The following PLEKHA8 variants were observed in gnomAD, a reference collection of about 807,000 sequenced individuals.
PLEKHA8 encodes the protein pleckstrin homology domain-containing family A member 8.
PLEKHA8 carries 36 observed loss-of-function variants against 68.2 expected under a neutral mutation model. The ratio of observed to expected loss-of-function variants is 0.53; its 90% CI spans 0.40 to 0.70. PLEKHA8 has a LOEUF of 0.70. Among genes scored for constraint, PLEKHA8 ranks in the 30% least tolerant of loss-of-function variants. The pLI is 0.00. For synonymous variants in PLEKHA8, 211 were observed against 216.1 expected (o/e 0.98, Z 0.20); for missense variants, 505 against 615.4 (o/e 0.82, Z 1.90).
Position 30,079,564 on chromosome 7 carries a change from G to A in PLEKHA8, c.*777G>A. Reference sequence around the variant, plus strand: ...ATCTCAATTGGACATCACAAGTAATGATACCCAGAGGGATTATTACTCCAC... The same window carrying A: ...ATCTCAATTGGACATCACAAGTAATAATACCCAGAGGGATTATTACTCCAC... On this transcript the variant is annotated 3_prime_UTR_variant, in exon 14 of 14. Transcript: ENST00000449726. The A allele has an allele frequency of 3.4e-6, 3 of 876,058 alleles. No homozygotes were observed. Among genetic ancestry groups the A allele is most frequent in the Non-Finnish European group, 4.1e-6 (3 of 730,456 alleles). The allele number at this position is 876,058 out of a possible 1,614,324, so 54.3% of individuals were successfully genotyped here. A position where few individuals can be genotyped will look rare whatever the true frequency, so the allele number is the denominator to read the frequency against.
rs894643112 is a variant in PLEKHA8, at chr7:30,080,823, A to G, written c.*2036A>G. The G allele has an allele frequency of 3.2e-5, 32 of 985,250 alleles. No homozygotes were observed. The African/African-American group carries it at 4.5e-4, about 14-fold the overall frequency. 61.0% of individuals were successfully genotyped at this position (985,250 alleles called of 1,614,324 possible). Reference sequence around the variant, plus strand: ...CTCGGGGATAGTCCCTGCCCTTGACATAGCCCCCTAAAACGGAAAAAGAAA... The same window carrying G: ...CTCGGGGATAGTCCCTGCCCTTGACGTAGCCCCCTAAAACGGAAAAAGAAA... On this transcript the variant is annotated 3_prime_UTR_variant, in exon 14 of 14. Transcript: ENST00000449726.
At chr7:30,047,694 C>T in intron 3 of PLEKHA8, 138 bp from the exon 4 acceptor site, 2 of 856,330 alleles carry the variant, frequency 2.3e-6, no homozygotes, top group Non-Finnish European at 1.7e-6. Context: ...ATTTGCAACC[C>T]ATACTTTAAA....
intron 1 of PLEKHA8, among the ~76,000 whole-genome samples, chr7:30,044,595 C>G (rs754831398): frequency 1.3e-5 from 2 of 152,220 alleles, no homozygotes; most frequent in South Asian, 2.1e-4. Flanking sequence ...TTGGCACTCT[C>G]TATGACATTT....
At chr7:30,036,736 AGAC>A (rs1791128521) in intron 1 of PLEKHA8, among the ~76,000 whole-genome samples, 1 of 152,238 alleles carries the variant, frequency 6.6e-6, no homozygotes, top group African/African-American at 2.4e-5. Context: ...TCTACATGGT[AGAC>A]TCTCCAGTAG....
At chr7:30,040,072 T>C (rs1791415562) in intron 1 of PLEKHA8, among the ~76,000 whole-genome samples, 1 of 152,254 alleles carries the variant, frequency 6.6e-6, no homozygotes, top group Admixed American at 6.5e-5. Context: ...GTGTTTTTAT[T>C]ATGAAAGGGT....
chr7:30,105,186 A>G (rs1034624396), intron 13 of PLEKHA8, among the ~76,000 whole-genome samples: 1 of 151,998 alleles, frequency 6.6e-6, no homozygotes, highest in Non-Finnish European at 1.5e-5. Context: ...ACATGTTCTC[A>G]GGGGCCGAGT....
chr7:30,109,606 AAAAAAAAGAG>A lies in PLEKHA8; in HGVS notation c.1363-19658_1363-19649del, dbSNP rs1206004142. On this transcript the variant is annotated intron_variant, in intron 13 of 13. Coordinates refer to the PLEKHA8 transcript ENST00000396257. ...TGTCTCAAAAAAAAAAAAAAAAAAA[AAAAAAAAGAG>A]AGAGAGATTAACATTGTGTAACTAC... 9.1e-4 allele frequency among the ~76,000 whole-genome samples: 100 copies of A among 109,976 alleles called. 2 individuals carry two copies. The highest frequency in any genetic ancestry group is 4.9e-3 in the Middle Eastern group (1 of 204). 72.1% of individuals were successfully genotyped at this position (109,976 alleles called of 152,430 possible).
chr7:30,035,086 G>A (rs1316051020), intron 1 of PLEKHA8, among the ~76,000 whole-genome samples: 1 of 151,528 alleles, frequency 6.6e-6, no homozygotes, highest in Non-Finnish European at 1.5e-5. Flanking sequence ...AACTCTTTAC[G>A]ATGTAATCTA....
chr7:30,032,435 A>G (rs375867294), intron 1 of PLEKHA8, among the ~76,000 whole-genome samples: 66 of 152,356 alleles, frequency 4.3e-4, no homozygotes, highest in African/African-American at 1.5e-3. Context: ...TAAACATTTT[A>G]CATGGATTAA....
downstream of PLEKHA8, among the ~76,000 whole-genome samples, chr7:30,089,212 A>G (rs902676491): frequency 6.6e-6 from 1 of 152,154 alleles, no homozygotes; most frequent in Non-Finnish European, 1.5e-5. Flanking sequence ...TTTGGCTGGT[A>G]CACACTAATG....
At chr7:30,072,819 A>G (rs1397167310) in intron 12 of PLEKHA8, among the ~76,000 whole-genome samples, 1 of 152,226 alleles carries the variant, frequency 6.6e-6, no homozygotes, top group East Asian at 1.9e-4. Flanking sequence ...GAAGAAGGTC[A>G]AATAGCCCCC....
In PLEKHA8 at chr7:30,076,943, A is replaced by G. The variant is rs116678697; in HGVS notation, c.1363-1647A>G. Among the ~76,000 whole-genome samples the G allele has an allele frequency of 7.7e-3, 1,166 of 152,224 alleles. 21 individuals carry two copies. Among genetic ancestry groups the G allele is most frequent in the African/African-American group, 0.026 (1,089 of 41,550 alleles). The stretch of plus-strand genomic sequence containing the variant: ...GACCTTTTAATCTTTCAGCAGTTAT[A>G]CTCTACTGAGCTGATAGCCATTTCA... On this transcript the variant is annotated intron_variant, in intron 13 of 13. Coordinates refer to ENST00000449726, the MANE Select transcript of PLEKHA8 (RefSeq NM_001197026.2).
Position 30,126,525 on chromosome 7 carries a change from G to A in PLEKHA8, c.1363-2741G>A, listed in dbSNP as rs564897969. Among the ~76,000 whole-genome samples, 3 of 152,288 alleles carry A rather than the reference G, an allele frequency of 2.0e-5. No homozygotes were observed. The South Asian group carries it at 6.2e-4, about 32-fold the overall frequency. ...TGTTTCACTGTTCTATAGTCTGGTT[G>A]TATAAATAAACCAATTTCTTTTTTT... On this transcript the variant is annotated intron_variant, in intron 13 of 13. Transcript: ENST00000396257.
chr7:30,060,387 G>C (rs907594049), intron 9 of PLEKHA8, among the ~76,000 whole-genome samples: 3 of 152,090 alleles, frequency 2.0e-5, no homozygotes, highest in African/African-American at 7.2e-5. Flanking sequence ...GCAGTGAGCC[G>C]AGATCATGCT....
chr7:30,093,240 A>G (rs75033170), downstream of PLEKHA8, among the ~76,000 whole-genome samples: 1,295 of 152,336 alleles, frequency 8.5e-3, 22 homozygotes, highest in African/African-American at 0.03. Context: ...CTAAATAACA[A>G]TAATAATTAT....
Position 30,083,846 on chromosome 7 carries a change from G to A in PLEKHA8, c.*5059G>A. The A allele has an allele frequency of 1.0e-6, 1 of 985,268 alleles. No individual in the cohort carries two copies. Among genetic ancestry groups the A allele is most frequent in the Non-Finnish European group, 1.2e-6 (1 of 829,820 alleles). 61.0% of individuals were successfully genotyped at this position (985,268 alleles called of 1,614,324 possible). A position where few individuals can be genotyped will look rare whatever the true frequency, so the allele number is the denominator to read the frequency against. ...GTACCTTACAAACAGAAACCACCCT[G>A]GGATGGTTGATACCCCTTACAAAGT... On this transcript the variant is annotated 3_prime_UTR_variant, in exon 14 of 14. Coordinates refer to ENST00000449726, the MANE Select transcript of PLEKHA8 (RefSeq NM_001197026.2).
At chr7:30,061,199 G>A (rs899006524) in intron 10 of PLEKHA8, among the ~76,000 whole-genome samples, 1 of 152,114 alleles carries the variant, frequency 6.6e-6, no homozygotes, top group African/African-American at 2.4e-5. Flanking sequence ...CATGTGCACC[G>A]TGTGGATCAG....
chr7:30,100,377 C>T (rs1278631142), intron 13 of PLEKHA8, among the ~76,000 whole-genome samples: 1 of 151,972 alleles, frequency 6.6e-6, no homozygotes, highest in Admixed American at 6.6e-5. Flanking sequence ...ATGGTGAAAC[C>T]CTGTCTCTAC....
At position 30,081,417 on chromosome 7, in the gene PLEKHA8, T is replaced by C. The variant is rs1043745114; in HGVS notation, c.*2630T>C. ...ACTAAACAGTAAATTCAGCTTAACC[T>C]GAACCTTGGCATAGTCAGAGCTTCC... On this transcript the variant is annotated 3_prime_UTR_variant, in exon 14 of 14. Transcript: ENST00000449726. The C allele has an allele frequency of 2.0e-6, 2 of 984,584 alleles. No individual in the cohort carries two copies. The highest frequency in any genetic ancestry group is 2.4e-6 in the Non-Finnish European group (2 of 829,254). 61.0% of individuals were successfully genotyped at this position (984,584 alleles called of 1,614,324 possible).
Sources: allele counts gnomAD v4.1 joint callset (sites outside exome capture counted in the v4.1 genomes callset), GRCh38; gene constraint gnomAD v4.1.1; transcripts MANE v1.5; gene names NCBI Gene and HGNC (gene_info 2026-07-23, HGNC 2026-07-21).